The following NNT variants were observed in gnomAD, a reference collection of about 807,000 sequenced individuals.
The protein encoded by NNT is nicotinamide nucleotide transhydrogenase, also known as NAD(P) transhydrogenase, mitochondrial.
NNT carries 50 observed loss-of-function variants against 104.8 expected under a neutral mutation model. That is an observed-to-expected ratio of 0.48 (90% confidence interval 0.38 to 0.60). The LOEUF (loss-of-function observed/expected upper bound fraction) is 0.60, where lower values mean the gene tolerates loss of function less well. Among genes scored for constraint, NNT ranks in the 20% least tolerant of loss-of-function variants. NNT has a pLI of 0.00. For synonymous variants in NNT, 461 were observed against 490.4 expected (o/e 0.94, Z 0.79); for missense variants, 1,131 against 1,330.7 (o/e 0.85, Z 2.33).
intron 8 of NNT, 51 bp downstream of exon 8, chr5:43,644,376 A>AT: frequency 9.5e-6 from 15 of 1,573,404 alleles, no homozygotes; most frequent in Non-Finnish European, 1.2e-5. Flanking sequence ...GTCTTGAGTT[A>AT]TGGGGGGGTG....
Position 43,675,650 on chromosome 5 carries a change from A to G in NNT, c.2774A>G (p.Asn925Ser), listed in dbSNP as rs573026709. ...GCAATTGACATGATTCGAGAAGCTA[A>G]TAGCATTATTATTACACCAGGTAAA... is the stretch of plus-strand genomic sequence containing the variant. Reference protein sequence around the residue: ...DNAIDMIREANSIIITPGYGL... With the variant: ...DNAIDMIREASSIIITPGYGL... The change falls in exon 18 of 22, where the codon AAT becomes AGT. Residue 925 changes from asparagine to serine, a missense_variant. Transcript: ENST00000344920. 18 of 1,607,596 alleles carry G rather than the reference A, an allele frequency of 1.1e-5. No individual in the cohort carries two copies. The highest frequency in any genetic ancestry group is 1.5e-5 in the Non-Finnish European group (18 of 1,177,550).
chr5:43,677,560 G>T (rs1358514122), intron 18 of NNT, among the ~76,000 whole-genome samples, 165 bp from the exon 19 acceptor site: 1 of 152,046 alleles, frequency 6.6e-6, no homozygotes, highest in Non-Finnish European at 1.5e-5. Flanking sequence ...CAAATTTAGG[G>T]CAATATTTTT....
At chr5:43,674,640 A>C (rs2112090831) in intron 17 of NNT, among the ~76,000 whole-genome samples, 1 of 152,314 alleles carries the variant, frequency 6.6e-6, no homozygotes, top group East Asian at 1.9e-4. Flanking sequence ...AGTGATTTGA[A>C]TTCTTAAAAT....
chr5:43,617,103 T>G (rs1333620776), intron 4 of NNT, among the ~76,000 whole-genome samples: 1 of 152,194 alleles, frequency 6.6e-6, no homozygotes, highest in Non-Finnish European at 1.5e-5. Flanking sequence ...ACTTTTAAAT[T>G]TATTTAGCCT....
intron 2 of NNT, among the ~76,000 whole-genome samples, chr5:43,612,166 T>G (rs1462769432): frequency 6.6e-6 from 1 of 152,206 alleles, no homozygotes; most frequent in African/African-American, 2.4e-5. Context: ...CAAATAATAT[T>G]TGCACTGATC....
chr5:43,664,139 A>G (rs956515467), intron 17 of NNT, among the ~76,000 whole-genome samples: 1 of 152,222 alleles, frequency 6.6e-6, no homozygotes, highest in Non-Finnish European at 1.5e-5. Flanking sequence ...TGCTATGGTT[A>G]CACAATACCC....
At chr5:43,702,795 C>T in intron 21 of NNT, 59 bp downstream of exon 21, 4 of 1,209,122 alleles carry the variant, frequency 3.3e-6, no homozygotes, top group Non-Finnish European at 4.7e-6. Flanking sequence ...AATATACACA[C>T]AGAACTTTCT....
intron 2 of NNT, among the ~76,000 whole-genome samples, chr5:43,610,951 A>AT (rs544026065): frequency 1.3e-5 from 2 of 152,180 alleles, no homozygotes; most frequent in African/African-American, 4.8e-5. Flanking sequence ...TAAGAAGTCT[A>AT]TTTTTTCCTT....
intron 2 of NNT, 100 bp from the exon 3 acceptor site, chr5:43,612,808 G>A: frequency 2.5e-6 from 2 of 784,584 alleles, no homozygotes; most frequent in Non-Finnish European, 4.2e-6. Context: ...ATATTTTGAA[G>A]AAAAGATTGC....
At chr5:43,655,701 G>T in intron 14 of NNT, 139 bp from the exon 15 acceptor site, 1 of 656,276 alleles carries the variant, frequency 1.5e-6, no homozygotes, top group Non-Finnish European at 2.7e-6. Flanking sequence ...TACAGCCCCT[G>T]TAGAGAATAT....
At chr5:43,684,306 C>A (rs1370679563) in intron 19 of NNT, among the ~76,000 whole-genome samples, 1 of 150,048 alleles carries the variant, frequency 6.7e-6, no homozygotes, top group Non-Finnish European at 1.5e-5. Flanking sequence ...TATTTGCCTT[C>A]AAAAAAAGAA....
At chr5:43,667,096 G>T in intron 17 of NNT, 1 of 1,562,772 alleles carries the variant, frequency 6.4e-7, no homozygotes, top group Admixed American at 1.7e-5. Flanking sequence ...GTGCTTCTTG[G>T]CAAAGTGCAT....
At position 43,688,773 on chromosome 5, in the gene NNT, A is replaced by G. The variant is rs1006930481; in HGVS notation, c.2876+10967A>G. ...TTCCTTTTTATGGCTGAGATACCACATTTTCTTTATCCACTTATTGATTGA... is the reference window on the plus strand; with the variant it reads ...TTCCTTTTTATGGCTGAGATACCACGTTTTCTTTATCCACTTATTGATTGA... On this transcript the variant is annotated intron_variant, in intron 19 of 21. Coordinates refer to ENST00000344920, the MANE Select transcript of NNT (RefSeq NM_182977.3). Among the ~76,000 whole-genome samples the G allele has an allele frequency of 9.9e-5, 15 of 152,032 alleles. No homozygotes were observed. The South Asian group carries it at 1.2e-3, about 13-fold the overall frequency.
intron 6 of NNT, among the ~76,000 whole-genome samples, chr5:43,626,934 T>C (rs1750400941): frequency 6.6e-6 from 1 of 152,070 alleles, no homozygotes; most frequent in Admixed American, 6.6e-5. Flanking sequence ...TTAATATTGG[T>C]AGACAATTCT....
intron 2 of NNT, 99 bp from the exon 3 acceptor site, chr5:43,612,809 A>G (rs1310934828): frequency 1.3e-6 from 1 of 790,318 alleles, no homozygotes; most frequent in East Asian, 2.5e-5. Flanking sequence ...TATTTTGAAG[A>G]AAAGATTGCT....
Position 43,675,651 on chromosome 5 carries a change from T to C in NNT, c.2775T>C (p.Asn925=), listed in dbSNP as rs757592133. ...DNAIDMIREA[N]SIIITPGYGL... ...CAATTGACATGATTCGAGAAGCTAA[T>C]AGCATTATTATTACACCAGGTAAAG... is the stretch of plus-strand genomic sequence containing the variant. The change falls in exon 18 of 22, where the codon AAT becomes AAC. Residue 925 remains asparagine, a synonymous_variant. Coordinates refer to ENST00000344920, the MANE Select transcript of NNT (RefSeq NM_182977.3). The C allele has an allele frequency of 2.4e-5, 39 of 1,606,132 alleles. No individual in the cohort carries two copies. The highest frequency in any genetic ancestry group is 3.1e-5 in the Non-Finnish European group (37 of 1,176,968).
chr5:43,695,338 AC>A (rs1473799414), intron 19 of NNT, among the ~76,000 whole-genome samples: 6 of 152,196 alleles, frequency 3.9e-5, no homozygotes, highest in African/African-American at 1.4e-4. Flanking sequence ...TGGCTTGCCA[AC>A]AGTTCTTGTG....
At chr5:43,680,026 GT>G (rs1245060679) in intron 19 of NNT, among the ~76,000 whole-genome samples, 1 of 151,392 alleles carries the variant, frequency 6.6e-6, no homozygotes, top group Non-Finnish European at 1.5e-5. Context: ...ACTATAGTAT[GT>G]TGAATTTTCA....
chr5:43,614,977 A>C (rs1261612085), intron 3 of NNT, among the ~76,000 whole-genome samples: 1 of 151,368 alleles, frequency 6.6e-6, no homozygotes, highest in East Asian at 1.9e-4. Flanking sequence ...CTCTACTAAA[A>C]ATACAAAAAA....
Sources: allele counts gnomAD v4.1 joint callset (sites outside exome capture counted in the v4.1 genomes callset), GRCh38; gene constraint gnomAD v4.1.1; transcripts MANE v1.5; gene names NCBI Gene and HGNC (gene_info 2026-07-23, HGNC 2026-07-21).